ACADL: variants seen among roughly 807,000 people sequenced by gnomAD.
The protein encoded by ACADL is acyl-CoA dehydrogenase long chain, also known as long-chain specific acyl-CoA dehydrogenase, mitochondrial.
Under a neutral mutation model 56.9 loss-of-function variants are expected in ACADL, and 60 were observed. The ratio of observed to expected loss-of-function variants is 1.05; its 90% confidence interval spans 0.86 to 1.31. The LOEUF (loss-of-function observed/expected upper bound fraction) is 1.31. Ranked by LOEUF, ACADL falls within the 50% of genes most tolerant of loss-of-function variation. The pLI, the probability that ACADL is intolerant of heterozygous loss-of-function variation, is 0.00. For synonymous variants in ACADL, 158 were observed against 179.7 expected (o/e 0.88, Z 0.97); for missense variants, 484 against 525.5 (o/e 0.92, Z 0.77).
At chr2:210,215,804 AT>A (rs1689075991) in intron 4 of ACADL, among the ~76,000 whole-genome samples, 1 of 152,188 alleles carries the variant, frequency 6.6e-6, no homozygotes, top group Non-Finnish European at 1.5e-5. Context: ...AGTACTTATC[AT>A]AATTTATAGC....
chr2:210,203,476 C>T (rs1372044074), intron 7 of ACADL, 32 bp from the exon 8 acceptor site: 1 of 1,360,280 alleles, frequency 7.4e-7, no homozygotes, highest in African/African-American at 1.4e-5. Context: ...TTAAACATTA[C>T]TCTAATTATG....
intron 8 of ACADL, among the ~76,000 whole-genome samples, chr2:210,195,714 A>G (rs1255480740): frequency 2.0e-5 from 3 of 152,186 alleles, no homozygotes; most frequent in African/African-American, 7.2e-5. Flanking sequence ...TTTTTCCTCC[A>G]GAGATTAAAT....
chr2:210,221,072 C>G (rs1465987240), intron 1 of ACADL, among the ~76,000 whole-genome samples: 1 of 152,138 alleles, frequency 6.6e-6, no homozygotes, highest in Non-Finnish European at 1.5e-5. Context: ...CTAGAACTAA[C>G]CACAGGTCTG....
At chr2:210,197,751 A>G (rs1228002919) in intron 8 of ACADL, among the ~76,000 whole-genome samples, 1 of 152,158 alleles carries the variant, frequency 6.6e-6, no homozygotes, top group Non-Finnish European at 1.5e-5. Flanking sequence ...ATTCTCTCAT[A>G]CAAGAGTCAT....
intron 8 of ACADL, 29 bp from the exon 9 acceptor site, chr2:210,195,367 A>G: frequency 6.3e-7 from 1 of 1,599,742 alleles, no homozygotes; most frequent in Non-Finnish European, 8.6e-7. Flanking sequence ...AAAAGAAAAA[A>G]GTGAGCATGG....
In ACADL at chr2:210,225,407, C is replaced by T; in HGVS notation, c.-144G>A. ...AAAAAAGCGCTCGCGCGCGCCCTTC[C>T]GGAGCCCCAACCACGCCACAGGCTG... On this transcript the variant is annotated 5_prime_UTR_variant, in exon 1 of 11. Transcript: ENST00000233710. 1.1e-6 allele frequency: 1 copy of T among 888,072 alleles called. No homozygotes were observed. The highest frequency in any genetic ancestry group is 1.8e-5 in the South Asian group (1 of 56,834). 55.0% of individuals were successfully genotyped at this position (888,072 alleles called of 1,614,324 possible). A position where few individuals can be genotyped will look rare whatever the true frequency, so the allele number is the denominator to read the frequency against.
chr2:210,197,491 T>C (rs1220300323), intron 8 of ACADL, among the ~76,000 whole-genome samples: 1 of 151,942 alleles, frequency 6.6e-6, no homozygotes, highest in Admixed American at 6.6e-5. Flanking sequence ...AATATAAAGA[T>C]GGAACAAAAA....
chr2:210,203,512 T>G, intron 7 of ACADL, 68 bp from the exon 8 acceptor site: 4 of 945,178 alleles, frequency 4.2e-6, no homozygotes, highest in Non-Finnish European at 6.7e-6. Flanking sequence ...CAATTTCAAT[T>G]ACGATAAATC....
chr2:210,211,945 C>T (rs1378838555), intron 4 of ACADL, among the ~76,000 whole-genome samples: 1 of 151,892 alleles, frequency 6.6e-6, no homozygotes, highest in African/African-American at 2.4e-5. Context: ...ATTCTCCTGC[C>T]TCAGCCTCCC....
intron 2 of ACADL, 80 bp from the exon 3 acceptor site, chr2:210,218,182 T>G: frequency 7.4e-7 from 1 of 1,357,754 alleles, no homozygotes; most frequent in Admixed American, 2.0e-5. Context: ...TATGAATGAT[T>G]TTGTGTAGAA....
Position 210,188,786 on chromosome 2 carries a change from T to A in ACADL, c.*175A>T, listed in dbSNP as rs1332348032. Reference sequence around the variant, plus strand: ...TATATTGGAAAACTAGAATTTTGGCTTCAAAGATTTGTCCTTCCACTGTGT... The same window carrying A: ...TATATTGGAAAACTAGAATTTTGGCATCAAAGATTTGTCCTTCCACTGTGT... On this transcript the variant is annotated 3_prime_UTR_variant, in exon 11 of 11. Transcript: ENST00000233710. The A allele has an allele frequency of 3.6e-6, 2 of 560,096 alleles. No individual in the cohort carries two copies. Among genetic ancestry groups the A allele is most frequent in the Admixed American group, 6.1e-5 (2 of 32,620 alleles). The allele number at this position is 560,096 out of a possible 1,614,324, so 34.7% of individuals were successfully genotyped here.
At chr2:210,195,081 G>T in intron 9 of ACADL, 130 bp downstream of exon 9, 2 of 1,183,478 alleles carry the variant, frequency 1.7e-6, no homozygotes, top group Non-Finnish European at 2.4e-6. Context: ...TTTTTTTAAA[G>T]TGGAGTCTCA....
chr2:210,200,243 C>T (rs920023833), intron 8 of ACADL, among the ~76,000 whole-genome samples: 2 of 152,008 alleles, frequency 1.3e-5, no homozygotes, highest in African/African-American at 4.8e-5. Flanking sequence ...GAACACATTA[C>T]CCTTAGGAGG....
intron 8 of ACADL, among the ~76,000 whole-genome samples, chr2:210,198,642 G>T (rs1299889273): frequency 6.6e-6 from 1 of 151,994 alleles, no homozygotes; most frequent in Non-Finnish European, 1.5e-5. Context: ...AAGAGTGTAG[G>T]TTCTGGAATT....
intron 8 of ACADL, among the ~76,000 whole-genome samples, chr2:210,201,205 G>A (rs1688786498): frequency 6.6e-6 from 1 of 152,166 alleles, no homozygotes; most frequent in Non-Finnish European, 1.5e-5. Context: ...TGAGGCAGGA[G>A]AACTGCTCGC....
chr2:210,199,120 T>C lies in ACADL; in HGVS notation c.985-3782A>G, dbSNP rs1056385776. Among the ~76,000 whole-genome samples, 6 of 152,282 alleles carry C rather than the reference T, an allele frequency of 3.9e-5. No homozygotes were observed. The East Asian group carries it at 7.7e-4, about 20-fold the overall frequency. ...ACATTTAAAGCTCTTCTATTTCAATTGAATAACTAGATCCATAGTGTACCC... is the reference window on the plus strand; with the variant it reads ...ACATTTAAAGCTCTTCTATTTCAATCGAATAACTAGATCCATAGTGTACCC... On this transcript the variant is annotated intron_variant, in intron 8 of 10. Coordinates refer to ENST00000233710, the MANE Select transcript of ACADL (RefSeq NM_001608.4).
In ACADL at chr2:210,224,816, G is replaced by C. The variant is rs3768808; in HGVS notation, c.77+371C>G. ...GATCGCAGCCCGCGCTCCTGCAGCC[G>C]GGCCCAGGGGGTGACCACCTCCTCC... On this transcript the variant is annotated intron_variant, in intron 1 of 10. Coordinates refer to ENST00000233710, the MANE Select transcript of ACADL (RefSeq NM_001608.4). The C allele has an allele frequency of 8.2e-5, 82 of 1,005,462 alleles. No homozygotes were observed. The East Asian group carries it at 6.9e-3, about 85-fold the overall frequency. 62.3% of individuals were successfully genotyped at this position (1,005,462 alleles called of 1,614,324 possible).
At position 210,205,809 on chromosome 2, in the gene ACADL, A is replaced by G. The variant is rs781649229; in HGVS notation, c.604-13T>C. ...TACTGATGAACACCTGCAAAACCCC[A>G]AGTACATTATTAATGCACCATGATA... On this transcript the variant is annotated splice_polypyrimidine_tract_variant and intron_variant, in intron 5 of 10. Transcript: ENST00000233710. 2.5e-6 allele frequency: 4 copies of G among 1,613,592 alleles called. No individual in the cohort carries two copies. The East Asian group carries it at 8.9e-5, about 36-fold the overall frequency.
At chr2:210,210,315 T>C (rs1045860463) in intron 4 of ACADL, 53 bp from the exon 5 acceptor site, 7 of 1,300,102 alleles carry the variant, frequency 5.4e-6, no homozygotes, top group Admixed American at 3.4e-5. Flanking sequence ...AATTAAATTA[T>C]ACAAATGATA....
Sources: gnomAD v4.1 joint callset for allele counts (sites outside exome capture counted in the v4.1 genomes callset) on GRCh38, gnomAD v4.1.1 for gene constraint, MANE v1.5 for transcripts, NCBI Gene and HGNC (gene_info 2026-07-23, HGNC 2026-07-21) for gene names.